CPNE4: variants seen among roughly 807,000 people sequenced by gnomAD.
The protein encoded by CPNE4 is copine 4.
Under a neutral mutation model 67.9 loss-of-function variants are expected in CPNE4, and 25 were observed. The observed-to-expected ratio is 0.37, with a 90% CI of 0.27 to 0.51. CPNE4 has a LOEUF of 0.51. Among genes scored for constraint, CPNE4 ranks in the 20% least tolerant of loss-of-function variants. The pLI is 0.93. For synonymous variants in CPNE4, 242 were observed against 244.9 expected, an observed-to-expected ratio of 0.99 and a Z score of 0.11; for missense variants, 464 against 690.8, an observed-to-expected ratio of 0.67 and a Z score of 3.68.
intron 12 of CPNE4, 120 bp downstream of exon 12, chr3:131,555,375 ACT>A: frequency 1.4e-6 from 1 of 735,682 alleles, no homozygotes; most frequent in Non-Finnish European, 2.3e-6. Flanking sequence ...ACAATTTCTG[ACT>A]CTGTAGGCCC....
chr3:131,622,018 CAAAAAA>C (rs34415771), intron 7 of CPNE4, among the ~76,000 whole-genome samples: 3 of 58,030 alleles, frequency 5.2e-5, no homozygotes, highest in African/African-American at 1.6e-4. Flanking sequence ...GACCCTGTCT[CAAAAAA>C]AAAAAAAAAA....
intron 1 of CPNE4, among the ~76,000 whole-genome samples, chr3:131,976,106 C>T (rs1236730712): frequency 2.3e-5 from 3 of 132,598 alleles, no homozygotes; most frequent in Non-Finnish European, 3.1e-5. Context: ...TTAAAGAATG[C>T]ACTCTCATTC....
intron 2 of CPNE4, among the ~76,000 whole-genome samples, chr3:131,852,995 G>A (rs2086295172): frequency 6.6e-6 from 1 of 151,744 alleles, no homozygotes; most frequent in South Asian, 2.1e-4. Flanking sequence ...ATGTTAAGAT[G>A]TCAATTTTCC....
intron 14 of CPNE4, among the ~76,000 whole-genome samples, chr3:131,546,646 T>C (rs1183412832): frequency 3.9e-5 from 6 of 152,314 alleles, no homozygotes; most frequent in Admixed American, 2.0e-4. Context: ...TGTCCTTTCA[T>C]TGCAGACCCA....
intron 11 of CPNE4, among the ~76,000 whole-genome samples, chr3:131,562,636 GA>G (rs1460850388): frequency 1.3e-5 from 2 of 151,956 alleles, no homozygotes; most frequent in African/African-American, 4.8e-5. Flanking sequence ...TATAAAGAAG[GA>G]AGAAAATTCT....
intron 2 of CPNE4, among the ~76,000 whole-genome samples, chr3:131,849,715 A>T (rs1380049448): frequency 3.3e-5 from 5 of 152,138 alleles, no homozygotes; most frequent in Non-Finnish European, 7.4e-5. Flanking sequence ...CATTACCATG[A>T]GTAGAATATA....
intron 2 of CPNE4, among the ~76,000 whole-genome samples, chr3:131,825,148 T>A (rs1028974762): frequency 3.3e-5 from 5 of 152,058 alleles, no homozygotes; most frequent in African/African-American, 1.2e-4. Context: ...GGGGTCCATA[T>A]GAGCAGTTTT....
chr3:131,539,978 ACTT>A (rs1935385366), intron 15 of CPNE4, among the ~76,000 whole-genome samples: 1 of 152,220 alleles, frequency 6.6e-6, no homozygotes, highest in East Asian at 1.9e-4. Context: ...AAAGAATACT[ACTT>A]CTTTTTGACT....
chr3:131,787,579 A>G (rs756988975), intron 2 of CPNE4, among the ~76,000 whole-genome samples: 2 of 151,976 alleles, frequency 1.3e-5, no homozygotes, highest in Non-Finnish European at 2.9e-5. Flanking sequence ...TCTGATGATC[A>G]CCCTTCCTAA....
intron 2 of CPNE4, among the ~76,000 whole-genome samples, chr3:131,882,227 T>C (rs750439749): frequency 1.6e-4 from 24 of 152,098 alleles, no homozygotes; most frequent in Non-Finnish European, 3.4e-4. Context: ...GGTTTAATTA[T>C]ATTAGTATTT....
At chr3:131,821,122 C>T (rs550860652) in intron 2 of CPNE4, among the ~76,000 whole-genome samples, 2 of 152,288 alleles carry the variant, frequency 1.3e-5, no homozygotes, top group South Asian at 2.1e-4. Flanking sequence ...GGTTGGCTTA[C>T]AGGATCTCCA....
intron 1 of CPNE4, among the ~76,000 whole-genome samples, chr3:132,027,670 C>T (rs958534903): frequency 1.4e-5 from 2 of 146,704 alleles, no homozygotes; most frequent in Admixed American, 1.4e-4. Context: ...TTCACATTAG[C>T]ACAATGTCAG....
chr3:131,892,024 G>A (rs570653276), intron 2 of CPNE4, among the ~76,000 whole-genome samples: 12 of 152,200 alleles, frequency 7.9e-5, no homozygotes, highest in South Asian at 4.1e-4. Context: ...GGATAGGACC[G>A]TAGAGAGGGA....
At chr3:131,983,859 A>G (rs2072972502) in intron 1 of CPNE4, among the ~76,000 whole-genome samples, 1 of 152,170 alleles carries the variant, frequency 6.6e-6, no homozygotes, top group African/African-American at 2.4e-5. Context: ...GAATCAATTG[A>G]TTTACATCTA....
In CPNE4 at chr3:131,870,714, C is replaced by A. The variant is rs570749882; in HGVS notation, c.180+34550G>T. 2.0e-5 allele frequency among the ~76,000 whole-genome samples: 3 copies of A among 152,214 alleles called. No homozygotes were observed. The South Asian group carries it at 6.2e-4, about 32-fold the overall frequency. On this transcript the variant is annotated intron_variant, in intron 2 of 15. Coordinates refer to ENST00000429747, the MANE Select transcript of CPNE4 (RefSeq NM_130808.3). ...CATATTGTTCCCCCGAAACCAGCTT[C>A]TTTTAGATGTTCTGAGAAAGGATGC...
At chr3:131,754,536 A>G (rs140719260) in intron 2 of CPNE4, among the ~76,000 whole-genome samples, 17 of 152,314 alleles carry the variant, frequency 1.1e-4, no homozygotes, top group African/African-American at 3.8e-4. Context: ...CTATCTCTCA[A>G]TAAGTCCAAA....
At chr3:131,828,859 AAAC>A (rs1261125096) in intron 2 of CPNE4, among the ~76,000 whole-genome samples, 4 of 152,194 alleles carry the variant, frequency 2.6e-5, no homozygotes, top group African/African-American at 9.6e-5. Context: ...CAAAAAAACA[AAAC>A]AACTTCAGTC....
At chr3:131,962,086 T>C (rs947142934) in intron 1 of CPNE4, among the ~76,000 whole-genome samples, 1 of 152,232 alleles carries the variant, frequency 6.6e-6, no homozygotes, top group Non-Finnish European at 1.5e-5. Context: ...GCATATTCAA[T>C]TGCCCAGACC....
chr3:131,649,985 C>A (rs2079767177), intron 7 of CPNE4, among the ~76,000 whole-genome samples: 2 of 152,116 alleles, frequency 1.3e-5, no homozygotes. Flanking sequence ...GATCTGATTT[C>A]AAGCTCCCTC....
Sources: allele counts gnomAD v4.1 joint callset (sites outside exome capture counted in the v4.1 genomes callset), GRCh38; gene constraint gnomAD v4.1.1; transcripts MANE v1.5; gene names NCBI Gene and HGNC (gene_info 2026-07-23, HGNC 2026-07-21).